GSK3B: variants seen among roughly 807,000 people sequenced by gnomAD.
GSK3B encodes the protein glycogen synthase kinase-3 beta.
In GSK3B, 15 loss-of-function variants were observed where a neutral mutation model predicts 56.4. The observed-to-expected ratio is 0.27, with a 90% CI of 0.18 to 0.41. The LOEUF is 0.41. Ranked by LOEUF, GSK3B falls within the 10% of genes least tolerant of loss-of-function variation. GSK3B has a pLI of 1.00. For missense variants in GSK3B, 300 were observed against 513.4 expected, an observed-to-expected ratio of 0.58 and a Z score of 4.02; for synonymous variants, 181 against 188.9, an observed-to-expected ratio of 0.96 and a Z score of 0.34.
intron 7 of GSK3B, 72 bp from the exon 8 acceptor site, chr3:119,876,580 T>C (rs2056316402): frequency 2.4e-6 from 2 of 818,626 alleles, no homozygotes; most frequent in Admixed American, 2.1e-5. Flanking sequence ...TTTCAGGCAT[T>C]GGATTCACTG....
rs377739038 is a variant in GSK3B at position 120,039,833 on chromosome 3, T to C, written c.89-37594A>G. Among the ~76,000 whole-genome samples the C allele has an allele frequency of 5.3e-5, 8 of 152,294 alleles. No individual in the cohort carries two copies. The East Asian group carries it at 7.7e-4, about 15-fold the overall frequency. On this transcript the variant is annotated intron_variant, in intron 1 of 10. Coordinates refer to ENST00000264235, the MANE Select transcript of GSK3B (RefSeq NM_001146156.2). ...GATACACCCTTCTGCAGAAGTAAAT[T>C]GCCTTGCTGAGAAAACTTTTGGCAC...
chr3:119,901,343 T>C (rs1294160114), intron 7 of GSK3B, among the ~76,000 whole-genome samples: 3 of 152,292 alleles, frequency 2.0e-5, no homozygotes, highest in African/African-American at 7.2e-5. Context: ...CATAATGAAA[T>C]GCTGATCTGA....
At chr3:119,967,942 G>A (rs2057334573) in intron 2 of GSK3B, among the ~76,000 whole-genome samples, 1 of 150,970 alleles carries the variant, frequency 6.6e-6, no homozygotes, top group Non-Finnish European at 1.5e-5. Context: ...TAGAACCTCT[G>A]CCTCCCGGAT....
At chr3:119,832,953 TTTTG>T (rs201015814) in intron 10 of GSK3B, 213 of 980,318 alleles carry the variant, frequency 2.2e-4, no homozygotes, top group East Asian at 1.3e-3. Flanking sequence ...GCATTTTTTG[TTTTG>T]TTTGTTTGTT....
At chr3:119,949,519 G>C (rs1018703269) in intron 2 of GSK3B, among the ~76,000 whole-genome samples, 1 of 152,114 alleles carries the variant, frequency 6.6e-6, no homozygotes, top group Non-Finnish European at 1.5e-5. Flanking sequence ...ATCATTCTGA[G>C]TAAGGAGAGA....
chr3:119,979,326 C>T (rs940508857), intron 2 of GSK3B, among the ~76,000 whole-genome samples: 2 of 152,164 alleles, frequency 1.3e-5, no homozygotes, highest in African/African-American at 4.8e-5. Context: ...TAAAAACCCT[C>T]TCCGGGTCTC....
At chr3:120,020,894 A>T (rs2057870851) in intron 1 of GSK3B, among the ~76,000 whole-genome samples, 1 of 152,250 alleles carries the variant, frequency 6.6e-6, no homozygotes, top group East Asian at 1.9e-4. Flanking sequence ...ACAAGAAAGT[A>T]AAACAGCCTT....
chr3:119,833,692 T>TG (rs2055641203), intron 10 of GSK3B, among the ~76,000 whole-genome samples: 1 of 134,064 alleles, frequency 7.5e-6, no homozygotes, highest in Admixed American at 7.3e-5. Context: ...ATTAGGTTGT[T>TG]TTTTTTTTTT....
intron 3 of GSK3B, among the ~76,000 whole-genome samples, chr3:119,926,557 A>T (rs2056891107): frequency 6.6e-6 from 1 of 152,134 alleles, no homozygotes; most frequent in African/African-American, 2.4e-5. Flanking sequence ...TCTACTATCA[A>T]CTAAAATCAA....
chr3:120,029,433 C>T (rs924949975), intron 1 of GSK3B: 11 of 725,348 alleles, frequency 1.5e-5, no homozygotes, highest in African/African-American at 8.7e-5. Flanking sequence ...TGTGGAGCTT[C>T]GCCTCCAGCA....
chr3:119,845,804 A>C (rs753104537), intron 9 of GSK3B, among the ~76,000 whole-genome samples: 15 of 152,202 alleles, frequency 9.9e-5, no homozygotes, highest in Admixed American at 7.9e-4. Flanking sequence ...AAAGAATTAG[A>C]AAAAACTACT....
intron 1 of GSK3B, among the ~76,000 whole-genome samples, chr3:120,005,146 C>T (rs971798629): frequency 1.3e-5 from 2 of 151,730 alleles, no homozygotes; most frequent in African/African-American, 2.4e-5. Flanking sequence ...GCTTCAGTAG[C>T]TGATTCAATC....
chr3:120,056,603 G>A (rs1263671302), intron 1 of GSK3B, among the ~76,000 whole-genome samples: 2 of 152,006 alleles, frequency 1.3e-5, no homozygotes, highest in East Asian at 3.9e-4. Context: ...GCCTCCCAAA[G>A]TGCTGGTATA....
intron 1 of GSK3B, among the ~76,000 whole-genome samples, chr3:120,023,263 AAAT>A (rs2057894532): frequency 6.6e-6 from 1 of 151,702 alleles, no homozygotes; most frequent in Admixed American, 6.6e-5. Context: ...GAATATATGC[AAAT>A]AATAAGACAA....
intron 3 of GSK3B, among the ~76,000 whole-genome samples, chr3:119,927,970 G>A (rs991866081): frequency 6.6e-6 from 1 of 152,184 alleles, no homozygotes; most frequent in African/African-American, 2.4e-5. Context: ...GACGAGATGA[G>A]GACTAAAAAG....
At chr3:119,948,366 C>A (rs1023063320) in intron 2 of GSK3B, among the ~76,000 whole-genome samples, 3 of 152,180 alleles carry the variant, frequency 2.0e-5, no homozygotes, top group African/African-American at 7.2e-5. Context: ...AGGATGGCTT[C>A]TAGTTCTTAG....
intron 8 of GSK3B, among the ~76,000 whole-genome samples, chr3:119,871,164 T>C (rs1036199478): frequency 6.6e-6 from 1 of 152,200 alleles, no homozygotes; most frequent in African/African-American, 2.4e-5. Context: ...GCTGTAAGCA[T>C]AGAGAATAAG....
At chr3:119,878,981 G>A (rs748570484) in intron 7 of GSK3B, among the ~76,000 whole-genome samples, 1 of 152,138 alleles carries the variant, frequency 6.6e-6, no homozygotes, top group Non-Finnish European at 1.5e-5. Flanking sequence ...TTGGTTTCAC[G>A]GGTGTAAGCG....
chr3:120,006,986 T>C (rs2057734898), intron 1 of GSK3B, among the ~76,000 whole-genome samples: 1 of 150,486 alleles, frequency 6.6e-6, no homozygotes, highest in Admixed American at 6.6e-5. Context: ...CAGGAGCTGA[T>C]TTTTTGAAAG....
Sources: gnomAD v4.1 joint callset for allele counts (sites outside exome capture counted in the v4.1 genomes callset) on GRCh38, gnomAD v4.1.1 for gene constraint, MANE v1.5 for transcripts, NCBI Gene and HGNC (gene_info 2026-07-23, HGNC 2026-07-21) for gene names.